MARK1: variants seen among roughly 807,000 people sequenced by gnomAD.
The protein encoded by MARK1 is serine/threonine-protein kinase MARK1.
Under a neutral mutation model 96.3 loss-of-function variants are expected in MARK1, and 40 were observed. The ratio of observed to expected loss-of-function variants is 0.42; its 90% CI spans 0.32 to 0.54. The LOEUF (loss-of-function observed/expected upper bound fraction) is 0.54, where lower values mean the gene tolerates loss of function less well. MARK1 is among the 20% of genes least tolerant of loss of function. The probability of loss-of-function intolerance (pLI) is 0.16; values close to 1 mark genes in which losing one functional copy is unlikely to be tolerated. For missense variants in MARK1, 719 were observed against 984.6 expected (o/e 0.73, Z 3.61); for synonymous variants, 317 against 341.2 (o/e 0.93, Z 0.78).
chr1:220,564,964 T>C (rs1662934873), intron 1 of MARK1, among the ~76,000 whole-genome samples: 1 of 152,150 alleles, frequency 6.6e-6, no homozygotes. Context: ...GATTACTTTT[T>C]CCCCTCCTTC....
chr1:220,651,599 A>G (rs995811275), intron 14 of MARK1, among the ~76,000 whole-genome samples: 1 of 152,182 alleles, frequency 6.6e-6, no homozygotes, highest in African/African-American at 2.4e-5. Context: ...TTCTGATTGT[A>G]TGAATAATGG....
chr1:220,651,700 G>A (rs192732636), intron 14 of MARK1, among the ~76,000 whole-genome samples: 69 of 152,092 alleles, frequency 4.5e-4, no homozygotes, highest in African/African-American at 1.5e-3. Context: ...TGAAACTATC[G>A]TATATCCACA....
chr1:220,611,755 C>A (rs1301007407), intron 6 of MARK1, among the ~76,000 whole-genome samples: 1 of 151,794 alleles, frequency 6.6e-6, no homozygotes, highest in Non-Finnish European at 1.5e-5. Flanking sequence ...TTTTTTGAGA[C>A]AGAGTCTTGC....
chr1:220,584,875 A>G (rs1321676756), intron 3 of MARK1, among the ~76,000 whole-genome samples: 2 of 152,210 alleles, frequency 1.3e-5, no homozygotes, highest in African/African-American at 4.8e-5. Context: ...CTACTCTCAC[A>G]TATACATGCT....
intron 1 of MARK1, among the ~76,000 whole-genome samples, chr1:220,556,971 A>G (rs1451032885): frequency 1.3e-5 from 2 of 152,132 alleles, no homozygotes; most frequent in Non-Finnish European, 2.9e-5. Flanking sequence ...AATAGAGTAA[A>G]TTTTTGAGAG....
At chr1:220,591,552 A>G (rs954837028) in intron 3 of MARK1, among the ~76,000 whole-genome samples, 1 of 152,196 alleles carries the variant, frequency 6.6e-6, no homozygotes, top group Non-Finnish European at 1.5e-5. Context: ...TTCCTAGTAC[A>G]CAGGAAATGC....
At chr1:220,657,921 A>G (rs1669267324) in intron 17 of MARK1, 87 bp downstream of exon 17, 3 of 921,224 alleles carry the variant, frequency 3.3e-6, no homozygotes, top group Non-Finnish European at 4.5e-6. Context: ...AATGATCATG[A>G]ATAGATCTAA....
In MARK1 at chr1:220,598,315, C is replaced by A. The variant is rs17584607; in HGVS notation, c.310-16C>A. Reference sequence around the variant, plus strand: ...TTTTTTTTAACAGAAATATATCTACCTGTTTTCTTTAACAGTTATTTCGAG... The same window carrying A: ...TTTTTTTTAACAGAAATATATCTACATGTTTTCTTTAACAGTTATTTCGAG... On this transcript the variant is annotated splice_polypyrimidine_tract_variant and intron_variant, in intron 3 of 17. Transcript: ENST00000366917. The A allele has an allele frequency of 3.2e-6, 2 of 621,976 alleles. No homozygotes were observed. Among genetic ancestry groups the A allele is most frequent in the South Asian group, 3.0e-5 (2 of 66,130 alleles). The allele number at this position is 621,976 out of a possible 1,614,324, so 38.5% of individuals were successfully genotyped here.
chr1:220,589,521 T>C (rs1485702110), intron 3 of MARK1, among the ~76,000 whole-genome samples: 2 of 152,230 alleles, frequency 1.3e-5, no homozygotes, highest in East Asian at 3.8e-4. Flanking sequence ...GATTGTTTAC[T>C]ACTTTAGTTA....
chr1:220,613,631 G>A (rs189022400), intron 6 of MARK1, among the ~76,000 whole-genome samples: 7 of 152,182 alleles, frequency 4.6e-5, no homozygotes, highest in Admixed American at 4.6e-4. Flanking sequence ...AACCTATATA[G>A]TATGTCTAAT....
chr1:220,569,364 T>C (rs898292731), intron 1 of MARK1, among the ~76,000 whole-genome samples: 1 of 152,128 alleles, frequency 6.6e-6, no homozygotes, highest in Non-Finnish European at 1.5e-5. Context: ...AATCAACTAC[T>C]GTCTTTTAAA....
Position 220,634,272 on chromosome 1 carries a change from A to G in MARK1, c.1123-1104A>G, listed in dbSNP as rs1443365952. Among the ~76,000 whole-genome samples the G allele has an allele frequency of 2.0e-5, 3 of 152,198 alleles. No individual in the cohort carries two copies. The East Asian group carries it at 5.8e-4, about 29-fold the overall frequency. On this transcript the variant is annotated intron_variant, in intron 11 of 17. Transcript: ENST00000366917. ...GAAGCACTAATTTTATAAGTATATAACCATGCCACGCATGAATTTAAATGA... is the reference window on the plus strand; with the variant it reads ...GAAGCACTAATTTTATAAGTATATAGCCATGCCACGCATGAATTTAAATGA...
At chr1:220,543,543 C>G (rs80282564) in intron 1 of MARK1, among the ~76,000 whole-genome samples, 227 of 152,276 alleles carry the variant, frequency 1.5e-3, no homozygotes, top group Non-Finnish European at 3.0e-3. Context: ...AGAGGCCATT[C>G]TATGCCACAG....
At chr1:220,628,798 A>C (rs113438461) in intron 9 of MARK1, among the ~76,000 whole-genome samples, 5 of 152,132 alleles carry the variant, frequency 3.3e-5, no homozygotes, top group African/African-American at 1.2e-4. Flanking sequence ...TTAAAAATGT[A>C]TCATGTGGCT....
chr1:220,567,798 C>T (rs1663161479), intron 1 of MARK1, among the ~76,000 whole-genome samples: 4 of 152,172 alleles, frequency 2.6e-5, no homozygotes, highest in Admixed American at 2.6e-4. Flanking sequence ...AGAGAGGTAA[C>T]TTCCTGAAGG....
intron 6 of MARK1, among the ~76,000 whole-genome samples, chr1:220,608,408 T>C (rs1259420007): frequency 6.6e-6 from 1 of 152,226 alleles, no homozygotes; most frequent in Non-Finnish European, 1.5e-5. Context: ...ATATCCCCTT[T>C]ATCATTTTTT....
At chr1:220,650,851 C>T (rs1572236522) in intron 14 of MARK1, 131 bp downstream of exon 14, 7 of 590,736 alleles carry the variant, frequency 1.2e-5, no homozygotes, top group East Asian at 9.0e-5. Context: ...TGCAACCAAC[C>T]GTTCTTAGTA....
chr1:220,529,939 A>G (rs1660197772), intron 1 of MARK1, among the ~76,000 whole-genome samples: 1 of 152,166 alleles, frequency 6.6e-6, no homozygotes, highest in Non-Finnish European at 1.5e-5. Context: ...CTCTCTGTCT[A>G]GTTATCTCAT....
At chr1:220,571,052 C>T (rs1359546943) in intron 1 of MARK1, among the ~76,000 whole-genome samples, 1 of 152,082 alleles carries the variant, frequency 6.6e-6, no homozygotes, top group African/African-American at 2.4e-5. Flanking sequence ...TTGAAATAAG[C>T]TCCGATATAT....
Sources: gnomAD v4.1 joint callset for allele counts (sites outside exome capture counted in the v4.1 genomes callset) on GRCh38, gnomAD v4.1.1 for gene constraint, MANE v1.5 for transcripts, NCBI Gene and HGNC (gene_info 2026-07-23, HGNC 2026-07-21) for gene names.